The following GPR39 variants were observed in gnomAD, a reference collection of about 807,000 sequenced individuals.
GPR39 encodes the protein G protein-coupled receptor 39, also known as zinc sensing receptor.
A neutral mutation model predicts 18.4 loss-of-function variants in GPR39; 23 were observed. The ratio of observed to expected loss-of-function variants is 1.25; its 90% confidence interval spans 0.90 to 1.77. The LOEUF is 1.77. Among genes scored for constraint, GPR39 ranks in the 40% most tolerant of loss-of-function variants. The probability of loss-of-function intolerance (pLI) is 0.00; values close to 1 mark genes in which losing one functional copy is unlikely to be tolerated. For synonymous variants in GPR39, 280 were observed against 257.9 expected (o/e 1.09, Z -0.82); for missense variants, 647 against 602.4 (o/e 1.07, Z -0.78).
intron 1 of GPR39, among the ~76,000 whole-genome samples, chr2:132,529,917 A>T (rs1679581637): frequency 1.3e-5 from 2 of 152,190 alleles, no homozygotes; most frequent in South Asian, 4.2e-4. Context: ...ACAGAGCAGA[A>T]AAACCGGAAA....
At chr2:132,619,033 G>T (rs1182620274) in intron 1 of GPR39, among the ~76,000 whole-genome samples, 1 of 152,184 alleles carries the variant, frequency 6.6e-6, no homozygotes, top group African/African-American at 2.4e-5. Flanking sequence ...AGGCAGTGGG[G>T]CAGCATCCAC....
intron 1 of GPR39, among the ~76,000 whole-genome samples, chr2:132,513,263 G>A (rs1037491957): frequency 3.3e-5 from 5 of 151,646 alleles, no homozygotes; most frequent in African/African-American, 4.8e-5. Context: ...AACCACTAAA[G>A]CCAGTGCAGA....
Position 132,550,724 on chromosome 2 carries a change from C to T in GPR39, c.857-94377C>T, listed in dbSNP as rs149289023. The stretch of plus-strand genomic sequence containing the variant: ...ATATTATAAGTGATAAAATGAGGTC[C>T]AGCAAAAAGAAGTGATGTTACTCAT... On this transcript the variant is annotated intron_variant, in intron 1 of 1. Coordinates refer to ENST00000329321, the MANE Select transcript of GPR39 (RefSeq NM_001508.3). Among the ~76,000 whole-genome samples the T allele has an allele frequency of 2.6e-3, 391 of 152,264 alleles. 3 individuals carry two copies. Among genetic ancestry groups the T allele is most frequent in the African/African-American group, 9.2e-3 (383 of 41,560 alleles).
intron 1 of GPR39, among the ~76,000 whole-genome samples, chr2:132,633,809 G>A (rs1437241842): frequency 1.3e-5 from 2 of 152,208 alleles, no homozygotes; most frequent in African/African-American, 4.8e-5. Context: ...GGCAGTGGCT[G>A]TAGCAGTGAT....
At chr2:132,471,652 G>GTTTTTTTTTTTTTTTTTTTTTTTTT (rs60886637) in intron 1 of GPR39, among the ~76,000 whole-genome samples, 1 of 138,476 alleles carries the variant, frequency 7.2e-6, no homozygotes. Flanking sequence ...CCAGCAAGGA[G>GTTTTTTTTTTTTTTTTTTTTTTTTT]TTTTTTTTTT....
At chr2:132,429,324 TG>T (rs1395167079) in intron 1 of GPR39, among the ~76,000 whole-genome samples, 1 of 152,234 alleles carries the variant, frequency 6.6e-6, no homozygotes, top group Non-Finnish European at 1.5e-5. Context: ...GAACTTGTTT[TG>T]GATGGTCAGT....
intron 1 of GPR39, among the ~76,000 whole-genome samples, chr2:132,466,838 C>G (rs1327119836): frequency 6.6e-6 from 1 of 152,152 alleles, no homozygotes; most frequent in East Asian, 1.9e-4. Context: ...CTTGGCCTCT[C>G]AACAACTTGA....
intron 1 of GPR39, among the ~76,000 whole-genome samples, chr2:132,508,285 C>T (rs903015518): frequency 6.6e-6 from 1 of 152,144 alleles, no homozygotes; most frequent in Non-Finnish European, 1.5e-5. Context: ...ACACAGTCAT[C>T]CTGGTGGTAA....
Position 132,513,419 on chromosome 2 carries a change from C to T in GPR39, c.856+95521C>T, listed in dbSNP as rs1479806709. 5.9e-5 allele frequency among the ~76,000 whole-genome samples: 9 copies of T among 151,536 alleles called. No homozygotes were observed. In the East Asian group the frequency reaches 1.8e-3, roughly 30 times the overall value. On this transcript the variant is annotated intron_variant, in intron 1 of 1. Transcript: ENST00000329321. ...CGGAGTTTGCAGTGAGCTGAGATCG[C>T]GCCACTGCACTCCAGCCTGGGTGAC...
chr2:132,497,243 A>G (rs1293789021), intron 1 of GPR39, among the ~76,000 whole-genome samples: 1 of 152,152 alleles, frequency 6.6e-6, no homozygotes. Context: ...GACTCCTAAC[A>G]TGGGCATCCT....
At chr2:132,499,986 A>C (rs1401617159) in intron 1 of GPR39, among the ~76,000 whole-genome samples, 1 of 152,088 alleles carries the variant, frequency 6.6e-6, no homozygotes, top group Non-Finnish European at 1.5e-5. Context: ...TTTTTGGATG[A>C]GTCTTTAGGG....
At chr2:132,442,394 G>A (rs112808697) in intron 1 of GPR39, among the ~76,000 whole-genome samples, 3,973 of 152,180 alleles carry the variant, frequency 0.026, 181 homozygotes, top group African/African-American at 0.09. Flanking sequence ...ATGGCTGGGC[G>A]TGGGGGTGGA....
intron 1 of GPR39, among the ~76,000 whole-genome samples, chr2:132,430,295 T>G (rs997597293): frequency 1.3e-5 from 2 of 152,204 alleles, no homozygotes; most frequent in African/African-American, 2.4e-5. Flanking sequence ...GACATTGGCA[T>G]TATTTAAGCC....
In GPR39 at chr2:132,645,354, C is replaced by T. The variant is rs1210975128; in HGVS notation, c.1110C>T (p.His370=). ...GCCTGTCGCTGCAGCACGCCAACCA[C>T]GAGAAGCGCCTGCGCGTACATGCGC... ...CCRLSLQHAN[H]EKRLRVHAHS... The change falls in exon 2 of 2, where the codon CAC becomes CAT. Residue 370 remains histidine (H), a synonymous_variant. Coordinates refer to ENST00000329321, the MANE Select transcript of GPR39 (RefSeq NM_001508.3). 2.5e-6 allele frequency: 4 copies of T among 1,614,130 alleles called. No homozygotes were observed. The highest frequency in any genetic ancestry group is 1.7e-5 in the Admixed American group (1 of 60,018).
rs761559606 is a variant in GPR39, at chr2:132,646,158, GA to G, written c.*553del. ...TTCTTGGGCCTTGGCCCGTTACAAAGAGGGGTGTTGCAGCAGCTGATGCAAA... is the reference window on the plus strand; with the variant it reads ...TTCTTGGGCCTTGGCCCGTTACAAAGGGGGTGTTGCAGCAGCTGATGCAAA... On this transcript the variant is annotated 3_prime_UTR_variant, in exon 2 of 2. Coordinates refer to ENST00000329321, the MANE Select transcript of GPR39 (RefSeq NM_001508.3). 1 of 1,612,218 alleles carries G rather than the reference GA, an allele frequency of 6.2e-7. No individual in the cohort carries two copies. The highest frequency in any genetic ancestry group is 1.1e-5 in the South Asian group (1 of 90,702).
At position 132,645,464 on chromosome 2, in the gene GPR39, A is replaced by T. The variant is rs1379542906; in HGVS notation, c.1220A>T (p.Lys407Met). 2 of 1,613,290 alleles carry T rather than the reference A, an allele frequency of 1.2e-6. No homozygotes were observed. The highest frequency in any genetic ancestry group is 1.7e-6 in the Non-Finnish European group (2 of 1,180,036). Residue 407 changes from lysine to methionine, a missense_variant, in exon 2 of 2, where the codon AAG becomes ATG. Lys to Met is a moderately conservative substitution (Grantham distance 95, BLOSUM62 -1). Around this residue, in one of 3 missense-constraint regions of GPR39, gnomAD observed 581 missense variants for 506.8 expected, o/e 1.15. Transcript: ENST00000329321. ...RRQSSARRTE[K>M]IFLSTFQSEA... Reference sequence around the variant, plus strand: ...CAGTCCTCTGCAAGGAGAACTGAGAAGATTTTCTTAAGCACTTTTCAGAGC... The same window carrying T: ...CAGTCCTCTGCAAGGAGAACTGAGATGATTTTCTTAAGCACTTTTCAGAGC...
chr2:132,532,293 G>T (rs1414770074), intron 1 of GPR39, among the ~76,000 whole-genome samples: 2 of 152,130 alleles, frequency 1.3e-5, no homozygotes, highest in African/African-American at 4.8e-5. Flanking sequence ...GACTAAACCA[G>T]GAAGAAGTTG....
At chr2:132,510,109 G>C (rs896682077) in intron 1 of GPR39, among the ~76,000 whole-genome samples, 1 of 152,200 alleles carries the variant, frequency 6.6e-6, no homozygotes, top group South Asian at 2.1e-4. Context: ...TGGTTGAGAT[G>C]GTTGGTCATA....
At chr2:132,487,406 CA>C (rs1381791573) in intron 1 of GPR39, among the ~76,000 whole-genome samples, 1 of 152,126 alleles carries the variant, frequency 6.6e-6, no homozygotes, top group African/African-American at 2.4e-5. Context: ...CACATGTCTT[CA>C]ATTTATTTTT....
Sources: gnomAD v4.1 joint callset for allele counts (sites outside exome capture counted in the v4.1 genomes callset) on GRCh38, gnomAD v4.1.1 for gene constraint, gnomAD v4.1.1 regional missense constraint, MANE v1.5 for transcripts, NCBI Gene and HGNC (gene_info 2026-07-23, HGNC 2026-07-21) for gene names.